Variants in USP32 observed in about 807,000 individuals in gnomAD.
The protein encoded by USP32 is ubiquitin specific peptidase 32.
USP32 carries 59 observed loss-of-function variants against 204.8 expected under a neutral mutation model. That is an observed-to-expected ratio of 0.29 (90% CI 0.23 to 0.36). The LOEUF is 0.36. USP32 is among the 10% of genes least tolerant of loss of function. The pLI, the probability that USP32 is intolerant of heterozygous loss-of-function variation, is 1.00. For missense variants in USP32, 1,160 were observed against 1,946.4 expected (o/e 0.60, Z 7.60); for synonymous variants, 517 against 678.4 (o/e 0.76, Z 3.70).
chr17:60,391,795 A>G, intron 1 of USP32, 87 bp downstream of exon 1: 2 of 1,438,366 alleles, frequency 1.4e-6, no homozygotes, highest in African/African-American at 1.4e-5. Flanking sequence ...CACGCCCTCA[A>G]TCTCCCCTCT....
intron 1 of USP32, among the ~76,000 whole-genome samples, chr17:60,368,746 A>G (rs1236545856): frequency 7.9e-5 from 12 of 152,156 alleles, no homozygotes; most frequent in Admixed American, 7.9e-4. Flanking sequence ...ATAATCATAC[A>G]TGGTTCTATA....
chr17:60,328,075 G>T (rs931045312), intron 2 of USP32, among the ~76,000 whole-genome samples: 3 of 152,212 alleles, frequency 2.0e-5, no homozygotes, highest in Non-Finnish European at 4.4e-5. Flanking sequence ...CCCCACTGAG[G>T]CCCCACCTTC....
intron 9 of USP32, chr17:60,257,981 A>T (rs917612645): frequency 6.5e-6 from 1 of 154,570 alleles, no homozygotes; most frequent in Non-Finnish European, 1.5e-5. Context: ...CACAATTTCA[A>T]TAACAAAATA....
intron 2 of USP32, among the ~76,000 whole-genome samples, chr17:60,336,142 T>C (rs2145978494): frequency 7.0e-6 from 1 of 143,142 alleles, no homozygotes; most frequent in South Asian, 2.1e-4. Context: ...AGAACATCCA[T>C]AATCTATGTA....
exon 1 of USP32, chr17:60,422,287 A>G (rs1216595034): frequency 2.3e-6 from 1 of 442,110 alleles, no homozygotes; most frequent in Non-Finnish European, 3.9e-6. Flanking sequence ...TTCTTGGGAG[A>G]AGGGGCGCCA....
intron 2 of USP32, among the ~76,000 whole-genome samples, chr17:60,325,495 A>AAT (rs1472298365): frequency 6.6e-6 from 1 of 152,226 alleles, no homozygotes; most frequent in African/African-American, 2.4e-5. Context: ...ACATAGTCAT[A>AAT]ATATTGTAAA....
intron 2 of USP32, among the ~76,000 whole-genome samples, chr17:60,309,818 G>A (rs2145914763): frequency 6.6e-6 from 1 of 151,794 alleles, no homozygotes; most frequent in Middle Eastern, 3.5e-3. Context: ...GGCCAAGGCA[G>A]GTGGATCACA....
intron 7 of USP32, among the ~76,000 whole-genome samples, chr17:60,267,304 G>A (rs1352376498): frequency 6.6e-6 from 1 of 151,840 alleles, no homozygotes; most frequent in Admixed American, 6.6e-5. Context: ...CTACTTGGGA[G>A]GCTGAGGCAG....
At chr17:60,193,789 C>T (rs1464482840) in intron 27 of USP32, among the ~76,000 whole-genome samples, 1 of 152,190 alleles carries the variant, frequency 6.6e-6, no homozygotes, top group Non-Finnish European at 1.5e-5. Context: ...GTGAGAATCA[C>T]ATCTGGCATA....
chr17:60,316,809 C>G (rs1226177968), intron 2 of USP32, among the ~76,000 whole-genome samples: 1 of 152,058 alleles, frequency 6.6e-6, no homozygotes, highest in Non-Finnish European at 1.5e-5. Context: ...CTATTGCACT[C>G]CAGCCTGGGC....
rs554577511 is a variant in USP32, at chr17:60,207,148, C to A, written c.2926-16G>T. On this transcript the variant is annotated splice_polypyrimidine_tract_variant and intron_variant, in intron 24 of 33. Transcript: ENST00000300896. ...GAGGAAAGTTCTACAGAAACAGAAG[C>A]AAGATGAGAAGGGGGAGATGTTTCA... 6.2e-7 allele frequency: 1 copy of A among 1,605,458 alleles called. No homozygotes were observed. Among genetic ancestry groups the A allele is most frequent in the East Asian group, 2.2e-5 (1 of 44,678 alleles).
chr17:60,363,225 C>T (rs755580051), intron 1 of USP32, among the ~76,000 whole-genome samples: 3 of 151,722 alleles, frequency 2.0e-5, no homozygotes, highest in Non-Finnish European at 4.4e-5. Context: ...GAGGCTGAGG[C>T]GGGCAGATTG....
intron 29 of USP32, among the ~76,000 whole-genome samples, chr17:60,189,375 T>C (rs1476167155): frequency 1.3e-5 from 2 of 152,224 alleles, no homozygotes; most frequent in Non-Finnish European, 2.9e-5. Context: ...GAAAAGTCAG[T>C]TACCGTTACT....
chr17:60,195,687 A>T (rs1248751127), intron 27 of USP32, among the ~76,000 whole-genome samples: 1 of 152,110 alleles, frequency 6.6e-6, no homozygotes, highest in Non-Finnish European at 1.5e-5. Context: ...TAAATGTCGG[A>T]ATGCGTATGA....
chr17:60,312,745 A>C, intron 2 of USP32, among the ~76,000 whole-genome samples: 1 of 152,224 alleles, frequency 6.6e-6, no homozygotes, highest in East Asian at 1.9e-4. Flanking sequence ...AAAGAACTTG[A>C]TGTCACCAAC....
intron 9 of USP32, among the ~76,000 whole-genome samples, chr17:60,260,259 G>A (rs1423704790): frequency 6.6e-6 from 1 of 152,144 alleles, no homozygotes; most frequent in Non-Finnish European, 1.5e-5. Context: ...GGTGGCTCAT[G>A]CCTGTAATCC....
At chr17:60,386,382 A>AAT in intron 1 of USP32, among the ~76,000 whole-genome samples, 1 of 146,224 alleles carries the variant, frequency 6.8e-6, no homozygotes, top group Non-Finnish European at 1.5e-5. Context: ...AAAAAAAAAA[A>AAT]ATCCCTCCAC....
chr17:60,406,191 GA>G (rs1278204229), intron 1 of USP32, among the ~76,000 whole-genome samples: 62 of 134,362 alleles, frequency 4.6e-4, no homozygotes, highest in African/African-American at 1.2e-3. Context: ...TTATTATTCT[GA>G]AAAAAAAAAT....
chr17:60,269,589 A>C, intron 6 of USP32, 32 bp from the exon 7 acceptor site: 1 of 1,530,080 alleles, frequency 6.5e-7, no homozygotes, highest in Non-Finnish European at 8.9e-7. Context: ...CATAAATCAC[A>C]GCCAAGCTTC....
Sources: allele counts gnomAD v4.1 joint callset (sites outside exome capture counted in the v4.1 genomes callset), GRCh38; gene constraint gnomAD v4.1.1; transcripts MANE v1.5; gene names NCBI Gene and HGNC (gene_info 2026-07-23, HGNC 2026-07-21).